The following PCDHA7 variants were observed in gnomAD, a reference collection of about 807,000 sequenced individuals.
The protein encoded by PCDHA7 is protocadherin alpha 7.
Under a neutral mutation model 57.2 loss-of-function variants are expected in PCDHA7, and 37 were observed. The observed-to-expected ratio is 0.65, with a 90% confidence interval of 0.50 to 0.85. The LOEUF is 0.85. PCDHA7 is among the 40% of genes least tolerant of loss of function. PCDHA7 has a pLI of 0.00. For synonymous variants in PCDHA7, 553 were observed against 558.8 expected, an observed-to-expected ratio of 0.99 and a Z score of 0.15; for missense variants, 1,188 against 1,241.8, an observed-to-expected ratio of 0.96 and a Z score of 0.65.
At chr5:140,968,321 A>ACCTCCTATGT in intron 1 of PCDHA7, 1 of 1,613,834 alleles carries the variant, frequency 6.2e-7, no homozygotes, top group Non-Finnish European at 8.5e-7. Flanking sequence ...GCTGCCAGTC[A>ACCTCCTATGT]CCTCCTATGT....
intron 1 of PCDHA7, chr5:140,870,864 C>A (rs782241816): frequency 5.6e-6 from 9 of 1,613,934 alleles, no homozygotes; most frequent in Non-Finnish European, 7.6e-6. Context: ...TGGGTGCGGG[C>A]CACGTGGTGG....
At chr5:140,870,442 G>C (rs1562644426) in intron 1 of PCDHA7, 2 of 1,614,236 alleles carry the variant, frequency 1.2e-6, no homozygotes, top group Non-Finnish European at 1.7e-6. Context: ...GGTGGCCGAC[G>C]TGAACGACAA....
chr5:140,883,406 G>A, intron 1 of PCDHA7: 2 of 1,614,156 alleles, frequency 1.2e-6, no homozygotes, highest in South Asian at 2.2e-5. Context: ...TCGTGACTCT[G>A]GCTCAAATGG....
intron 1 of PCDHA7, among the ~76,000 whole-genome samples, chr5:140,946,707 A>C (rs2094013917): frequency 6.7e-6 from 1 of 150,204 alleles, no homozygotes; most frequent in East Asian, 1.9e-4. Context: ...TCTGGAGGTC[A>C]TTATGTTTAG....
chr5:140,975,058 C>T (rs1016137596), intron 1 of PCDHA7, among the ~76,000 whole-genome samples: 34 of 152,090 alleles, frequency 2.2e-4, no homozygotes, highest in African/African-American at 8.2e-4. Context: ...AATCTACTAT[C>T]GAGCTCATTC....
At chr5:140,871,172 C>A in intron 1 of PCDHA7, 1 of 1,613,546 alleles carries the variant, frequency 6.2e-7, no homozygotes, top group South Asian at 1.1e-5. Context: ...AGCCCAGAGG[C>A]TGCGCTGGTG....
intron 1 of PCDHA7, among the ~76,000 whole-genome samples, chr5:140,918,360 G>A (rs1243919537): frequency 1.3e-5 from 2 of 152,082 alleles, no homozygotes; most frequent in African/African-American, 4.8e-5. Flanking sequence ...CTTCCTCTCT[G>A]CCTATTTGGA....
intron 1 of PCDHA7, chr5:140,883,301 G>C (rs1380648584): frequency 1.2e-6 from 2 of 1,613,968 alleles, no homozygotes; most frequent in African/African-American, 1.3e-5. Flanking sequence ...AGATGTAAAT[G>C]ATAACGCCCC....
chr5:140,943,571 G>A (rs1164273913), intron 1 of PCDHA7, among the ~76,000 whole-genome samples: 4 of 152,152 alleles, frequency 2.6e-5, no homozygotes, highest in Admixed American at 2.6e-4. Context: ...ATTTTAATTT[G>A]TTGATCTGAG....
chr5:140,928,262 A>T lies in PCDHA7; in HGVS notation c.2356-50687A>T, dbSNP rs199571652. ...CAGCAGGAACTTTTCGTTGCTGAAA[A>T]CAATGGCCCTGGGGCCTCTCTAGGC... is the stretch of plus-strand genomic sequence containing the variant. On this transcript the variant is annotated intron_variant, in intron 1 of 3. Coordinates refer to ENST00000525929, the MANE Select transcript of PCDHA7 (RefSeq NM_018910.3). 20 of 1,614,214 alleles carry T rather than the reference A, an allele frequency of 1.2e-5. No homozygotes were observed. In the Admixed American group the frequency reaches 2.2e-4, roughly 17 times the overall value.
intron 1 of PCDHA7, among the ~76,000 whole-genome samples, chr5:140,936,139 C>T (rs1166879357): frequency 6.6e-6 from 1 of 152,078 alleles, no homozygotes; most frequent in Non-Finnish European, 1.5e-5. Flanking sequence ...GTGATCTGCC[C>T]GCCTTGGCCT....
chr5:140,906,662 G>A (rs1186000828), intron 1 of PCDHA7, among the ~76,000 whole-genome samples: 1 of 152,200 alleles, frequency 6.6e-6, no homozygotes, highest in Non-Finnish European at 1.5e-5. Context: ...TCCTGGTGTA[G>A]TGACCCAAAC....
At chr5:140,954,135 T>C (rs1281133424) in intron 1 of PCDHA7, among the ~76,000 whole-genome samples, 1 of 152,220 alleles carries the variant, frequency 6.6e-6, no homozygotes, top group Non-Finnish European at 1.5e-5. Context: ...TATGGATGCA[T>C]AGTATTCCAT....
chr5:140,924,900 A>AT lies in PCDHA7; in HGVS notation c.2356-54049_2356-54048insT, dbSNP rs1563068012. 8.8e-4 allele frequency among the ~76,000 whole-genome samples: 56 copies of AT among 63,318 alleles called. 1 individual carries two copies. The highest frequency in any genetic ancestry group is 8.1e-3 in the Middle Eastern group (1 of 124). 41.5% of individuals were successfully genotyped at this position (63,318 alleles called of 152,430 possible). On this transcript the variant is annotated intron_variant, in intron 1 of 3. Coordinates refer to ENST00000525929, the MANE Select transcript of PCDHA7 (RefSeq NM_018910.3). ...ACAGAGCAAGAACCTGTCTCAAAAA[A>AT]AAAAATAAAATAAAATAAAATAAAA...
intron 1 of PCDHA7, among the ~76,000 whole-genome samples, chr5:140,844,545 C>G (rs979935361): frequency 6.7e-6 from 1 of 149,334 alleles, no homozygotes; most frequent in South Asian, 2.1e-4. Context: ...ACCCTTTGTT[C>G]ATGAGTTGGA....
intron 1 of PCDHA7, chr5:140,842,186 G>A (rs2150331306): frequency 1.3e-5 from 21 of 1,613,692 alleles, no homozygotes; most frequent in Middle Eastern, 1.6e-4. Flanking sequence ...TGAAACTATG[G>A]TTATTGACCA....
At chr5:140,882,768 C>T (rs1554175511) in intron 1 of PCDHA7, 1 of 1,614,222 alleles carries the variant, frequency 6.2e-7, no homozygotes, top group East Asian at 2.2e-5. Context: ...GTAAACTCGG[C>T]ATTGACCTAC....
rs1215623176 is a variant in PCDHA7 at position 140,858,135 on chromosome 5, T to A, written c.2355+21397T>A. On this transcript the variant is annotated intron_variant, in intron 1 of 3. Transcript: ENST00000525929. ...GAGGTGGCCCTGGTGGATGTCAACG[T>A]GTACCTGATCATCGCCATCTGCGCG... is the stretch of plus-strand genomic sequence containing the variant. 2 of 1,597,334 alleles carry A rather than the reference T, an allele frequency of 1.3e-6. 1 individual carries two copies. Among genetic ancestry groups the A allele is most frequent in the Non-Finnish European group, 1.7e-6 (2 of 1,167,406 alleles).
In PCDHA7 at chr5:140,857,751, C is replaced by T. The variant is rs2044861068; in HGVS notation, c.2355+21013C>T. The T allele has an allele frequency of 3.1e-6, 5 of 1,597,310 alleles. 1 individual carries two copies. Among genetic ancestry groups the T allele is most frequent in the East Asian group, 4.5e-5 (2 of 44,822 alleles). ...AACGCTCCCGCGCTGCTGGCGTCTCCCGCTGGCAGCGCGGGCGGTGCAGTC... is the reference window on the plus strand; with the variant it reads ...AACGCTCCCGCGCTGCTGGCGTCTCTCGCTGGCAGCGCGGGCGGTGCAGTC... On this transcript the variant is annotated intron_variant, in intron 1 of 3. Coordinates refer to ENST00000525929, the MANE Select transcript of PCDHA7 (RefSeq NM_018910.3).
Sources: gnomAD v4.1 joint callset for allele counts (sites outside exome capture counted in the v4.1 genomes callset) on GRCh38, gnomAD v4.1.1 for gene constraint, MANE v1.5 for transcripts, NCBI Gene and HGNC (gene_info 2026-07-23, HGNC 2026-07-21) for gene names.